The following RADX variants were observed in gnomAD, a reference collection of about 807,000 sequenced individuals.
The protein encoded by RADX is RPA1 related single stranded DNA binding protein, X-linked, also known as RPA-related protein RADX.
RADX carries 36 observed loss-of-function variants against 61.6 expected under a neutral mutation model. The observed-to-expected ratio is 0.58, with a 90% confidence interval of 0.45 to 0.77. RADX has a LOEUF of 0.77. Ranked by LOEUF, RADX falls within the 30% of genes least tolerant of loss-of-function variation. The pLI, the probability that RADX is intolerant of heterozygous loss-of-function variation, is 0.00. For missense variants in RADX, 497 were observed against 651.1 expected (o/e 0.76, Z 2.58); for synonymous variants, 272 against 237.9 (o/e 1.14, Z -1.32).
Position 106,633,149 on chromosome X carries a change from G to T in RADX, c.1200G>T (p.Trp400Cys). Residue 400 changes from tryptophan (W) to cysteine (C), a missense_variant, in exon 6 of 14, where the codon TGG (tryptophan) becomes TGT (cysteine). Coordinates refer to ENST00000372548, the MANE Select transcript of RADX (RefSeq NM_018015.6). Reference sequence around the variant, plus strand: ...ATATAGAAAACCGTGAAGATTTTTGGTCATATCGCTGGATTCACATTGCTG... The same window carrying T: ...ATATAGAAAACCGTGAAGATTTTTGTTCATATCGCTGGATTCACATTGCTG... ...SKKKENREDF[W>C]SYRWIHIADG... 1 of 1,203,646 alleles carries T rather than the reference G, an allele frequency of 8.3e-7. No homozygotes were observed. Among genetic ancestry groups the T allele is most frequent in the Admixed American group, 2.2e-5 (1 of 45,914 alleles).
At chrX:106,677,330 G>C (rs1021299776) in intron 13 of RADX, among the ~76,000 whole-genome samples, 1 of 111,603 alleles carries the variant, frequency 9.0e-6, no homozygotes. Flanking sequence ...TCTACCCACC[G>C]TGTAGCAGTT....
rs138089445 is a variant in RADX at position 106,652,429 on chromosome X, A to G, written c.1978+4043A>G. On this transcript the variant is annotated intron_variant, in intron 11 of 13. Transcript: ENST00000372548. Reference sequence around the variant, plus strand: ...TACCTGATATATACTAACCAAGAGAAAAGTGGTATAGCAATATTCATATGA... The same window carrying G: ...TACCTGATATATACTAACCAAGAGAGAAGTGGTATAGCAATATTCATATGA... Among the ~76,000 whole-genome samples, 91 of 111,519 alleles carry G rather than the reference A, an allele frequency of 8.2e-4. No homozygotes were observed. The East Asian group carries it at 0.017, about 21-fold the overall frequency.
intron 13 of RADX, among the ~76,000 whole-genome samples, chrX:106,671,747 A>AT (rs1928366579): frequency 8.9e-6 from 1 of 111,896 alleles, no homozygotes; most frequent in African/African-American, 3.2e-5. Context: ...TTTGATTTGC[A>AT]TTTATCAATT....
At chrX:106,620,027 T>C (rs1603035132) in intron 1 of RADX, among the ~76,000 whole-genome samples, 1 of 111,873 alleles carries the variant, frequency 8.9e-6, no homozygotes, top group East Asian at 2.8e-4. Flanking sequence ...AGAGGATTCA[T>C]GAGGTCAAAG....
intron 12 of RADX, among the ~76,000 whole-genome samples, chrX:106,664,554 A>T (rs987405045): frequency 8.9e-6 from 1 of 111,870 alleles, no homozygotes; most frequent in Non-Finnish European, 1.9e-5. Flanking sequence ...ATCATTAGTC[A>T]TACCTTAATA....
intron 6 of RADX, among the ~76,000 whole-genome samples, chrX:106,636,185 C>T (rs1300909203): frequency 1.8e-5 from 2 of 111,100 alleles, no homozygotes; most frequent in African/African-American, 3.3e-5. Flanking sequence ...CAGGTGTGGG[C>T]CCAGTTAAAA....
At chrX:106,629,825 A>G (rs1927168846) in intron 3 of RADX, among the ~76,000 whole-genome samples, 1 of 111,764 alleles carries the variant, frequency 8.9e-6, no homozygotes, top group African/African-American at 3.3e-5. Context: ...TGTGTAAAAA[A>G]AAAATAAGTT....
At chrX:106,649,805 A>T (rs1927751532) in intron 11 of RADX, among the ~76,000 whole-genome samples, 1 of 111,712 alleles carries the variant, frequency 9.0e-6, no homozygotes, top group South Asian at 3.7e-4. Context: ...GACCAGTAGC[A>T]AAAGGAGGGA....
chrX:106,678,307 A>T lies in RADX; in HGVS notation c.*49A>T, dbSNP rs1487763284. ...AGATTATACGAGTGTACTGCTTTAAAGATATTCCATCATTTTGCTGGTAAT... is the reference window on the plus strand; with the variant it reads ...AGATTATACGAGTGTACTGCTTTAATGATATTCCATCATTTTGCTGGTAAT... On this transcript the variant is annotated 3_prime_UTR_variant, in exon 14 of 14. Coordinates refer to ENST00000372548, the MANE Select transcript of RADX (RefSeq NM_018015.6). The T allele has an allele frequency of 1.1e-6, 1 of 883,663 alleles. No homozygotes were observed. The allele number at this position is 883,663 out of a possible 1,213,427, so 72.8% of individuals were successfully genotyped here.
chrX:106,670,921 A>G (rs926110686), intron 13 of RADX, among the ~76,000 whole-genome samples: 3 of 111,509 alleles, frequency 2.7e-5, no homozygotes, highest in Non-Finnish European at 3.8e-5. Context: ...GTCTCATGGT[A>G]TAATACTAGT....
chrX:106,637,204 T>C (rs1427391543), intron 7 of RADX, among the ~76,000 whole-genome samples: 3 of 111,617 alleles, frequency 2.7e-5, no homozygotes, highest in South Asian at 3.8e-4. Context: ...TTTACCAGAT[T>C]GTTACCATGT....
At chrX:106,620,036 A>G (rs1926904593) in intron 1 of RADX, among the ~76,000 whole-genome samples, 1 of 111,741 alleles carries the variant, frequency 8.9e-6, no homozygotes, top group African/African-American at 3.3e-5. Flanking sequence ...ATGAGGTCAA[A>G]GCTATTTTCA....
At chrX:106,661,625 A>T (rs1205631550) in intron 11 of RADX, among the ~76,000 whole-genome samples, 2 of 111,007 alleles carry the variant, frequency 1.8e-5, no homozygotes, top group African/African-American at 6.5e-5. Context: ...TTTTAGGCTC[A>T]AATTTCCACC....
rs1927481855 is a variant in RADX at position 106,640,477 on chromosome X, C to A, written c.1735-75C>A. 3 of 725,491 alleles carry A rather than the reference C, an allele frequency of 4.1e-6. No individual in the cohort carries two copies. In the East Asian group the frequency reaches 1.1e-4, roughly 26 times the overall value. The allele number at this position is 725,491 out of a possible 1,213,427, so 59.8% of individuals were successfully genotyped here. On this transcript the variant is annotated intron_variant, in intron 9 of 13. Coordinates refer to ENST00000372548, the MANE Select transcript of RADX (RefSeq NM_018015.6). ...CTGTTGATTATGAAAAATGAATACA[C>A]TAAAATTGTAGTCTTTTATGAGATT...
At chrX:106,661,344 T>G in intron 11 of RADX, among the ~76,000 whole-genome samples, 1 of 107,629 alleles carries the variant, frequency 9.3e-6, no homozygotes, top group East Asian at 2.9e-4. Context: ...CCCCTTTGTT[T>G]TTCGTTTTTG....
chrX:106,625,325 T>A (rs1396900379), intron 3 of RADX, 43 bp downstream of exon 3: 6 of 966,717 alleles, frequency 6.2e-6, no homozygotes, highest in Middle Eastern at 2.9e-4. Context: ...CTGTTTTGTT[T>A]ATATAAATTT....
Position 106,622,671 on chromosome X carries a change from T to A in RADX, c.664T>A (p.Ser222Thr). ...NFSDTKIISLSHLEMTWTNRR... is the reference protein window; with the variant it reads ...NFSDTKIISLTHLEMTWTNRR... ...TCTAGATACCAAAATAATTTCCCTT[T>A]CTCATCTTGAAATGACCTGGACTAA... is the stretch of plus-strand genomic sequence containing the variant. The change falls in exon 2 of 14, where the codon TCT becomes ACT. Residue 222 changes from serine to threonine, a missense_variant. Coordinates refer to ENST00000372548, the MANE Select transcript of RADX (RefSeq NM_018015.6). 8.8e-7 allele frequency: 1 copy of A among 1,140,062 alleles called. No individual in the cohort carries two copies. Among genetic ancestry groups the A allele is most frequent in the Non-Finnish European group, 1.2e-6 (1 of 838,856 alleles). The allele number at this position is 1,140,062 out of a possible 1,213,427, so 94.0% of individuals were successfully genotyped here.
At position 106,654,433 on chromosome X, in the gene RADX, G is replaced by A. The variant is rs182829145; in HGVS notation, c.1978+6047G>A. Among the ~76,000 whole-genome samples the A allele has an allele frequency of 2.3e-4, 25 of 110,758 alleles. No individual in the cohort carries two copies. In the East Asian group the frequency reaches 6.5e-3, roughly 29 times the overall value. ...TAAGTGACCAGTGGAACAGAACAGA[G>A]GCCTCAGAAATAACACCACACGTCT... On this transcript the variant is annotated intron_variant, in intron 11 of 13. Coordinates refer to ENST00000372548, the MANE Select transcript of RADX (RefSeq NM_018015.6).
Position 106,633,254 on chromosome X carries a change from T to G in RADX, c.1303+2T>G. On this transcript the variant is annotated splice_donor_variant, in intron 6 of 13. Transcript: ENST00000372548. LOFTEE classifies it high-confidence loss of function. ...AAATCTTTGAAAATATTTACCCAAG[T>G]AAGCGATTTTTAATATTTTTATATT... The G allele has an allele frequency of 8.4e-7, 1 of 1,192,030 alleles. No individual in the cohort carries two copies. Among genetic ancestry groups the G allele is most frequent in the Non-Finnish European group, 1.1e-6 (1 of 881,651 alleles).
Sources: gnomAD v4.1 joint callset for allele counts (sites outside exome capture counted in the v4.1 genomes callset) on GRCh38, gnomAD v4.1.1 for gene constraint, MANE v1.5 for transcripts, NCBI Gene and HGNC (gene_info 2026-07-23, HGNC 2026-07-21) for gene names.